Variants in SGCZ observed in about 807,000 individuals in gnomAD.
SGCZ encodes the protein zeta-sarcoglycan.
SGCZ carries 40 observed loss-of-function variants against 41.3 expected under a neutral mutation model. The observed-to-expected ratio is 0.97, with a 90% confidence interval of 0.75 to 1.26. The LOEUF (loss-of-function observed/expected upper bound fraction) is 1.26. SGCZ is among the 50% of genes most tolerant of loss of function. The probability of loss-of-function intolerance (pLI) is 0.00; values close to 1 mark genes in which losing one functional copy is unlikely to be tolerated. For synonymous variants in SGCZ, 206 were observed against 137.5 expected (o/e 1.50, Z -3.49); for missense variants, 552 against 369.8 (o/e 1.49, Z -4.04).
chr8:14,413,194 G>C (rs1164647667), intron 2 of SGCZ, among the ~76,000 whole-genome samples: 1 of 151,912 alleles, frequency 6.6e-6, no homozygotes, highest in Non-Finnish European at 1.5e-5. Context: ...AACACAGTAA[G>C]ACAAAAATAT....
Position 14,198,027 on chromosome 8 carries a change from C to A in SGCZ, c.425-33325G>T, listed in dbSNP as rs1156821667. Among the ~76,000 whole-genome samples, 5 of 152,220 alleles carry A rather than the reference C, an allele frequency of 3.3e-5. No individual in the cohort carries two copies. In the East Asian group the frequency reaches 9.6e-4, roughly 29 times the overall value. On this transcript the variant is annotated intron_variant, in intron 4 of 7. Coordinates refer to ENST00000382080, the MANE Select transcript of SGCZ (RefSeq NM_139167.4). Reference sequence around the variant, plus strand: ...TGGAAAGGGATTATTAGGAATTAAACTTAATATTTTTATAGCACAATAATA... The same window carrying A: ...TGGAAAGGGATTATTAGGAATTAAAATTAATATTTTTATAGCACAATAATA...
chr8:14,704,078 A>G (rs986525865), intron 1 of SGCZ, among the ~76,000 whole-genome samples: 3 of 152,062 alleles, frequency 2.0e-5, no homozygotes, highest in African/African-American at 7.2e-5. Flanking sequence ...TCAGCATAAG[A>G]AATCAGGAAT....
chr8:14,293,417 G>A (rs973064636), intron 3 of SGCZ, among the ~76,000 whole-genome samples: 1 of 151,916 alleles, frequency 6.6e-6, no homozygotes, highest in African/African-American at 2.4e-5. Flanking sequence ...AAATTCCAAT[G>A]GTCAAACTAA....
intron 2 of SGCZ, among the ~76,000 whole-genome samples, chr8:14,477,968 A>G (rs1801408738): frequency 6.6e-6 from 1 of 152,220 alleles, no homozygotes; most frequent in Non-Finnish European, 1.5e-5. Flanking sequence ...GCAAGGAATG[A>G]GTTGAAGACT....
intron 1 of SGCZ, among the ~76,000 whole-genome samples, chr8:14,569,427 G>T (rs529247589): frequency 2.0e-5 from 3 of 151,926 alleles, no homozygotes; most frequent in Non-Finnish European, 4.4e-5. Flanking sequence ...TTTATTTCTT[G>T]TTTCTTTCCT....
At chr8:15,181,210 T>C (rs553009311) in intron 1 of SGCZ, among the ~76,000 whole-genome samples, 3 of 152,224 alleles carry the variant, frequency 2.0e-5, no homozygotes, top group Non-Finnish European at 2.9e-5. Context: ...ACAAGTTATG[T>C]AAGTGAAAAT....
chr8:14,124,711 A>G (rs1305489736), intron 5 of SGCZ, among the ~76,000 whole-genome samples: 1 of 152,182 alleles, frequency 6.6e-6, no homozygotes, highest in Non-Finnish European at 1.5e-5. Context: ...AGAAAGTTAC[A>G]TATTTAATAT....
intron 2 of SGCZ, among the ~76,000 whole-genome samples, chr8:14,404,380 A>C (rs1799156037): frequency 6.6e-6 from 1 of 151,520 alleles, no homozygotes; most frequent in African/African-American, 2.4e-5. Context: ...TGTCCTCTTT[A>C]AAGGAGACTG....
At chr8:14,272,614 G>A (rs867813738) in intron 3 of SGCZ, among the ~76,000 whole-genome samples, 2 of 152,236 alleles carry the variant, frequency 1.3e-5, no homozygotes, top group Middle Eastern at 6.8e-3. Context: ...ACTGCTGTAT[G>A]GTACCTCCTT....
chr8:15,142,899 C>T (rs984013683), intron 1 of SGCZ, among the ~76,000 whole-genome samples: 1 of 152,124 alleles, frequency 6.6e-6, no homozygotes, highest in Non-Finnish European at 1.5e-5. Context: ...CCTGAGCCAC[C>T]GTGCCCAGCC....
chr8:14,998,410 C>T (rs1220647293), intron 1 of SGCZ, among the ~76,000 whole-genome samples: 3 of 152,164 alleles, frequency 2.0e-5, no homozygotes, highest in African/African-American at 7.2e-5. Context: ...TTTATATATA[C>T]ATTTGTTACA....
At chr8:14,971,097 A>G (rs1801280888) in intron 1 of SGCZ, among the ~76,000 whole-genome samples, 1 of 152,176 alleles carries the variant, frequency 6.6e-6, no homozygotes, top group Non-Finnish European at 1.5e-5. Flanking sequence ...TGAAAATACA[A>G]TTGATTCTGT....
At chr8:14,810,735 C>G (rs956188094) in intron 1 of SGCZ, among the ~76,000 whole-genome samples, 1 of 151,942 alleles carries the variant, frequency 6.6e-6, no homozygotes, top group African/African-American at 2.4e-5. Flanking sequence ...ATCAGCTATA[C>G]TGATAGTATT....
chr8:14,704,199 A>C (rs1809257054), intron 1 of SGCZ, among the ~76,000 whole-genome samples: 1 of 152,008 alleles, frequency 6.6e-6, no homozygotes, highest in Non-Finnish European at 1.5e-5. Context: ...ATAGATGTTT[A>C]AAAAGTGTTA....
At chr8:14,763,494 G>A (rs1799950749) in intron 1 of SGCZ, among the ~76,000 whole-genome samples, 2 of 152,052 alleles carry the variant, frequency 1.3e-5, no homozygotes, top group South Asian at 4.1e-4. Flanking sequence ...GCCAAGCACT[G>A]GATGTTTCTT....
intron 1 of SGCZ, among the ~76,000 whole-genome samples, chr8:14,626,931 T>C (rs560902684): frequency 6.6e-6 from 1 of 152,234 alleles, no homozygotes; most frequent in South Asian, 2.1e-4. Context: ...ATAGCACGAT[T>C]TACTGCTTCA....
At chr8:14,967,639 C>T (rs572499336) in intron 1 of SGCZ, among the ~76,000 whole-genome samples, 1 of 152,240 alleles carries the variant, frequency 6.6e-6, no homozygotes, top group South Asian at 2.1e-4. Flanking sequence ...AAGTACTGGT[C>T]ATTTCATATC....
At chr8:14,789,276 A>T (rs1331494425) in intron 1 of SGCZ, among the ~76,000 whole-genome samples, 1 of 152,200 alleles carries the variant, frequency 6.6e-6, no homozygotes, top group Non-Finnish European at 1.5e-5. Context: ...TACAGTATGT[A>T]AACTGAAACA....
intron 3 of SGCZ, among the ~76,000 whole-genome samples, chr8:14,303,916 T>C (rs933893951): frequency 6.6e-6 from 1 of 151,958 alleles, no homozygotes; most frequent in Non-Finnish European, 1.5e-5. Flanking sequence ...CAAGCCCAGC[T>C]AATTTTTCTA....
Sources: gnomAD v4.1 joint callset for allele counts (sites outside exome capture counted in the v4.1 genomes callset) on GRCh38, gnomAD v4.1.1 for gene constraint, MANE v1.5 for transcripts, NCBI Gene and HGNC (gene_info 2026-07-23, HGNC 2026-07-21) for gene names.